The following NCKAP5 variants were observed in gnomAD, a reference collection of about 807,000 sequenced individuals.
The protein encoded by NCKAP5 is nck-associated protein 5.
A neutral mutation model predicts 167.0 loss-of-function variants in NCKAP5; 92 were observed. That is an observed-to-expected ratio of 0.55 (90% CI 0.47 to 0.66). The LOEUF (loss-of-function observed/expected upper bound fraction) is 0.66. Ranked by LOEUF, NCKAP5 falls within the 30% of genes least tolerant of loss-of-function variation. NCKAP5 has a pLI of 0.00. For missense variants in NCKAP5, 2,378 were observed against 2,315.0 expected, an observed-to-expected ratio of 1.03 and a Z score of -0.56; for synonymous variants, 891 against 877.4, an observed-to-expected ratio of 1.02 and a Z score of -0.27.
At chr2:133,302,344 C>T (rs1574645089) in intron 4 of NCKAP5, among the ~76,000 whole-genome samples, 3 of 13,026 alleles carry the variant, frequency 2.3e-4, no homozygotes, top group East Asian at 2.4e-3. Flanking sequence ...ATGTTTATTG[C>T]GGCACTATTC....
chr2:133,329,127 G>T (rs570166271), intron 3 of NCKAP5, among the ~76,000 whole-genome samples: 2 of 152,074 alleles, frequency 1.3e-5, no homozygotes, highest in Non-Finnish European at 2.9e-5. Flanking sequence ...TTTCCACCTC[G>T]CTGAAGAGGC....
intron 4 of NCKAP5, among the ~76,000 whole-genome samples, chr2:133,237,754 C>A (rs2087491649): frequency 6.6e-6 from 1 of 152,220 alleles, no homozygotes; most frequent in Admixed American, 6.5e-5. Context: ...ATTGAAGGCT[C>A]CTCCTGGGGA....
At chr2:132,725,799 A>C (rs745922802) in intron 18 of NCKAP5, 40 bp from the exon 19 acceptor site, 1 of 1,601,904 alleles carries the variant, frequency 6.2e-7, no homozygotes, top group East Asian at 2.3e-5. Flanking sequence ...AATTCATACA[A>C]ATCAAAATGA....
chr2:133,199,672 A>G (rs1195927459), intron 5 of NCKAP5, among the ~76,000 whole-genome samples: 1 of 152,168 alleles, frequency 6.6e-6, no homozygotes, highest in East Asian at 1.9e-4. Flanking sequence ...CATTATTTTA[A>G]AGTAAAACAT....
chr2:133,119,368 A>G (rs1344712224), intron 6 of NCKAP5, among the ~76,000 whole-genome samples: 2 of 152,138 alleles, frequency 1.3e-5, no homozygotes, highest in African/African-American at 4.8e-5. Context: ...CTTAGGTGCA[A>G]TCTCAGCAGG....
intron 3 of NCKAP5, among the ~76,000 whole-genome samples, chr2:133,373,691 T>C (rs1685955307): frequency 6.6e-6 from 1 of 152,190 alleles, no homozygotes; most frequent in African/African-American, 2.4e-5. Flanking sequence ...ATCAGGACCT[T>C]GTGGTACTGG....
chr2:132,873,278 TA>T (rs1574481379), intron 9 of NCKAP5, among the ~76,000 whole-genome samples: 2 of 152,136 alleles, frequency 1.3e-5, no homozygotes, highest in East Asian at 1.9e-4. Context: ...TCATTTTATT[TA>T]TTTTTTTGTA....
At chr2:133,616,065 G>A in the NCKAP5 span, among the ~76,000 whole-genome samples, 4 of 151,200 alleles carry the variant, frequency 2.6e-5, no homozygotes, top group Admixed American at 1.3e-4. Flanking sequence ...GGTACATAAC[G>A]AAATGAAGGC....
chr2:133,003,801 G>A (rs771165837), intron 6 of NCKAP5, among the ~76,000 whole-genome samples: 17 of 152,156 alleles, frequency 1.1e-4, no homozygotes, highest in Admixed American at 4.6e-4. Flanking sequence ...TAAACAGATC[G>A]AAAGATGCTA....
intron 5 of NCKAP5, among the ~76,000 whole-genome samples, chr2:133,189,406 A>G (rs1559244311): frequency 6.6e-6 from 1 of 152,190 alleles, no homozygotes; most frequent in Admixed American, 6.5e-5. Context: ...TCAATAGAAA[A>G]AGAAAGAATC....
intron 4 of NCKAP5, among the ~76,000 whole-genome samples, chr2:133,220,002 T>C (rs138380632): frequency 2.7e-4 from 41 of 152,324 alleles, no homozygotes; most frequent in African/African-American, 8.7e-4. Context: ...GTGAAACCAA[T>C]TGGGACTAGT....
At chr2:132,953,896 A>C (rs2076267683) in intron 8 of NCKAP5, among the ~76,000 whole-genome samples, 1 of 152,116 alleles carries the variant, frequency 6.6e-6, no homozygotes. Flanking sequence ...CTCTCTCTGG[A>C]CTGTAGGAGC....
At chr2:133,330,244 A>ATTTTTTTTTTTT (rs765058418) in intron 3 of NCKAP5, among the ~76,000 whole-genome samples, 14 of 88,166 alleles carry the variant, frequency 1.6e-4, no homozygotes, top group Non-Finnish European at 1.9e-4. Context: ...TATTTTTTGT[A>ATTTTTTTTTTTT]TTTTTTTTTT....
intron 7 of NCKAP5, among the ~76,000 whole-genome samples, chr2:132,987,561 A>G (rs1399776047): frequency 6.6e-6 from 1 of 152,236 alleles, no homozygotes; most frequent in Non-Finnish European, 1.5e-5. Context: ...GAAACATACT[A>G]CATTGCTCTA....
At chr2:133,021,653 ACAG>A (rs2078532377) in intron 6 of NCKAP5, among the ~76,000 whole-genome samples, 1 of 152,136 alleles carries the variant, frequency 6.6e-6, no homozygotes, top group African/African-American at 2.4e-5. Context: ...TTTTTCAGAG[ACAG>A]AGTCTTGCTC....
At chr2:133,218,359 T>A (rs1408729493) in intron 4 of NCKAP5, among the ~76,000 whole-genome samples, 1 of 152,206 alleles carries the variant, frequency 6.6e-6, no homozygotes, top group Non-Finnish European at 1.5e-5. Flanking sequence ...AAGACACGTG[T>A]ATTTTCACAT....
intron 8 of NCKAP5, among the ~76,000 whole-genome samples, chr2:132,939,891 T>C (rs1235131087): frequency 6.6e-6 from 1 of 152,064 alleles, no homozygotes; most frequent in Non-Finnish European, 1.5e-5. Context: ...CTCTAGCTAC[T>C]CAGGAGGCTG....
chr2:132,844,521 G>C (rs1201862664), intron 11 of NCKAP5, among the ~76,000 whole-genome samples: 1 of 152,124 alleles, frequency 6.6e-6, no homozygotes, highest in Non-Finnish European at 1.5e-5. Flanking sequence ...CTGTGTGAGT[G>C]TGTATTTACT....
At chr2:133,587,227 G>A in the NCKAP5 span, among the ~76,000 whole-genome samples, 1 of 152,128 alleles carries the variant, frequency 6.6e-6, no homozygotes, top group African/African-American at 2.4e-5. Context: ...CTGGAATGCT[G>A]GCTCCACCAC....
Sources: gnomAD v4.1 joint callset for allele counts (sites outside exome capture counted in the v4.1 genomes callset) on GRCh38, gnomAD v4.1.1 for gene constraint, MANE v1.5 for transcripts, NCBI Gene and HGNC (gene_info 2026-07-23, HGNC 2026-07-21) for gene names.